MYRFL: variants seen among roughly 807,000 people sequenced by gnomAD.
MYRFL encodes myelin regulatory factor-like protein.
A neutral mutation model predicts 109.4 loss-of-function variants in MYRFL; 88 were observed. That is an observed-to-expected ratio of 0.80 (90% CI 0.68 to 0.96). The LOEUF (loss-of-function observed/expected upper bound fraction) is 0.96. MYRFL is among the 40% of genes least tolerant of loss of function. The probability of loss-of-function intolerance (pLI) is 0.00; values close to 1 mark genes in which losing one functional copy is unlikely to be tolerated. For synonymous variants in MYRFL, 324 were observed against 320.9 expected (o/e 1.01, Z -0.10); for missense variants, 957 against 954.9 (o/e 1.00, Z -0.03).
chr12:69,870,960 A>C (rs1732306102), intron 2 of MYRFL, among the ~76,000 whole-genome samples: 1 of 152,120 alleles, frequency 6.6e-6, no homozygotes, highest in African/African-American at 2.4e-5. Flanking sequence ...TGTGATTTTC[A>C]GTTTTTATTA....
intron 10 of MYRFL, among the ~76,000 whole-genome samples, chr12:69,900,833 A>G (rs544691954): frequency 1.3e-5 from 2 of 152,260 alleles, no homozygotes; most frequent in East Asian, 1.9e-4. Flanking sequence ...TGTATTTTTT[A>G]TGAAAGGCGT....
chr12:69,859,097 C>G (rs921800075), intron 2 of MYRFL, among the ~76,000 whole-genome samples: 4 of 151,850 alleles, frequency 2.6e-5, no homozygotes, highest in Admixed American at 6.6e-5. Flanking sequence ...TTTTATTTGA[C>G]TTTCTTTGAC....
intron 13 of MYRFL, among the ~76,000 whole-genome samples, chr12:69,912,961 G>A (rs1954619648): frequency 6.6e-6 from 1 of 152,008 alleles, no homozygotes; most frequent in Admixed American, 6.6e-5. Context: ...CCTCACCGAT[G>A]CTTGTAATTT....
Position 69,881,033 on chromosome 12 carries a change from T to C in MYRFL, c.556+741T>C, listed in dbSNP as rs563872501. On this transcript the variant is annotated intron_variant, in intron 5 of 24. Coordinates refer to ENST00000552032, the MANE Select transcript of MYRFL (RefSeq NM_182530.3). Reference sequence around the variant, plus strand: ...GAGACCTGATTAACAAAGTAGCCTTTTGAAGTCCAAAGACTTGAACTTCAA... The same window carrying C: ...GAGACCTGATTAACAAAGTAGCCTTCTGAAGTCCAAAGACTTGAACTTCAA... 9.1e-5 allele frequency among the ~76,000 whole-genome samples: 13 copies of C among 142,916 alleles called. No individual in the cohort carries two copies. In the South Asian group the frequency reaches 1.1e-3, roughly 12 times the overall value. 93.8% of individuals were successfully genotyped at this position (142,916 alleles called of 152,430 possible). A position where few individuals can be genotyped will look rare whatever the true frequency, so the allele number is the denominator to read the frequency against.
chr12:69,837,079 T>C (rs1217660685), intron 1 of MYRFL, among the ~76,000 whole-genome samples: 2 of 152,176 alleles, frequency 1.3e-5, no homozygotes, highest in African/African-American at 2.4e-5. Context: ...TTGACAGATA[T>C]GCCTAAAATC....
intron 2 of MYRFL, among the ~76,000 whole-genome samples, chr12:69,875,669 G>T (rs1592738141): frequency 6.6e-6 from 1 of 152,130 alleles, no homozygotes; most frequent in South Asian, 2.1e-4. Flanking sequence ...CATTAGGAGC[G>T]GGAACCCTGT....
intron 2 of MYRFL, among the ~76,000 whole-genome samples, chr12:69,863,713 A>C (rs1229127238): frequency 2.0e-5 from 3 of 152,230 alleles, no homozygotes; most frequent in Admixed American, 6.5e-5. Context: ...AGGCTATTAC[A>C]TTGACCCAAG....
At chr12:69,871,944 T>C (rs1000645754) in intron 2 of MYRFL, among the ~76,000 whole-genome samples, 1 of 152,256 alleles carries the variant, frequency 6.6e-6, no homozygotes, top group East Asian at 1.9e-4. Flanking sequence ...TTCTATCAAC[T>C]TGTTCTCCCC....
chr12:69,923,166 T>G (rs965114657), intron 13 of MYRFL, among the ~76,000 whole-genome samples: 8 of 152,220 alleles, frequency 5.3e-5, no homozygotes, highest in African/African-American at 1.9e-4. Context: ...CTTTGGCCAA[T>G]GAGAGCTTCT....
intron 2 of MYRFL, among the ~76,000 whole-genome samples, chr12:69,867,679 A>G (rs1214886560): frequency 1.3e-5 from 2 of 152,208 alleles, no homozygotes; most frequent in African/African-American, 4.8e-5. Context: ...GGCAAGATGA[A>G]TTAGGAGTCA....
chr12:69,920,084 C>T (rs1031406602), intron 13 of MYRFL, among the ~76,000 whole-genome samples: 3 of 152,098 alleles, frequency 2.0e-5, no homozygotes, highest in Non-Finnish European at 2.9e-5. Flanking sequence ...TGTGTTCTGC[C>T]GAGTCCAGGG....
chr12:69,832,114 C>G (rs1396943059), intron 1 of MYRFL, among the ~76,000 whole-genome samples: 1 of 152,074 alleles, frequency 6.6e-6, no homozygotes, highest in Non-Finnish European at 1.5e-5. Flanking sequence ...AAAGTTGTAG[C>G]AGGTTGTTTC....
chr12:69,931,469 C>T (rs1031139014), intron 15 of MYRFL, among the ~76,000 whole-genome samples: 1 of 152,132 alleles, frequency 6.6e-6, no homozygotes, highest in African/African-American at 2.4e-5. Flanking sequence ...ATCCTATGCC[C>T]CTACCCTATG....
chr12:69,839,396 G>A (rs549427411), intron 1 of MYRFL, among the ~76,000 whole-genome samples: 66 of 152,230 alleles, frequency 4.3e-4, no homozygotes, highest in African/African-American at 1.4e-3. Flanking sequence ...ATTTGCTGAA[G>A]TACTTAGCAA....
intron 5 of MYRFL, among the ~76,000 whole-genome samples, chr12:69,884,218 G>A (rs1439278302): frequency 6.6e-6 from 1 of 152,244 alleles, no homozygotes; most frequent in African/African-American, 2.4e-5. Context: ...ACTATGTAAT[G>A]TGTCTGGGAC....
At chr12:69,914,913 CACTT>C (rs1366456106) in intron 13 of MYRFL, among the ~76,000 whole-genome samples, 1 of 152,198 alleles carries the variant, frequency 6.6e-6, no homozygotes, top group African/African-American at 2.4e-5. Flanking sequence ...AGGCCACACT[CACTT>C]ACAGAATCTG....
intron 11 of MYRFL, among the ~76,000 whole-genome samples, chr12:69,904,603 G>A (rs944420608): frequency 1.3e-5 from 2 of 152,138 alleles, no homozygotes; most frequent in Non-Finnish European, 2.9e-5. Context: ...TTTTTAACCA[G>A]TTGAACTGAA....
chr12:69,909,978 A>C lies in MYRFL; in HGVS notation c.1393A>C (p.Asn465His), dbSNP rs1954501606. 1 of 1,526,176 alleles carries C rather than the reference A, an allele frequency of 6.6e-7. No homozygotes were observed. Among genetic ancestry groups the C allele is most frequent in the Non-Finnish European group, 8.7e-7 (1 of 1,144,132 alleles). 94.5% of individuals were successfully genotyped at this position (1,526,176 alleles called of 1,614,324 possible). A position where few individuals can be genotyped will look rare whatever the true frequency, so the allele number is the denominator to read the frequency against. Residue 465 changes from asparagine to histidine, a missense_variant, in exon 12 of 25, where the codon AAT (asparagine) becomes CAT (histidine). By Grantham distance (68) the Asn-to-His change is moderately conservative. Transcript: ENST00000552032. Reference protein sequence around the residue: ...AKQNIQEVDTNEQLKRIAQMR... With the variant: ...AKQNIQEVDTHEQLKRIAQMR... ...TCTTTAATTAAATTAGGTTGACACG[A>C]ATGAACAGCTGAAAAGAATAGCCCA...
chr12:69,847,640 C>T (rs1047233034), intron 1 of MYRFL, among the ~76,000 whole-genome samples: 3 of 151,808 alleles, frequency 2.0e-5, no homozygotes, highest in African/African-American at 7.3e-5. Flanking sequence ...ATATTTACCT[C>T]GCTCTTCAAA....
Sources: allele counts gnomAD v4.1 joint callset (sites outside exome capture counted in the v4.1 genomes callset), GRCh38; gene constraint gnomAD v4.1.1; transcripts MANE v1.5; gene names NCBI Gene and HGNC (gene_info 2026-07-23, HGNC 2026-07-21).